EPYC: variants seen among roughly 807,000 people sequenced by gnomAD.
EPYC encodes the protein epiphycan.
EPYC carries 28 observed loss-of-function variants against 30.1 expected under a neutral mutation model. The observed-to-expected ratio is 0.93, with a 90% CI of 0.69 to 1.28. The LOEUF is 1.28. EPYC is among the 50% of genes most tolerant of loss of function. EPYC has a pLI of 0.00. For synonymous variants in EPYC, 144 were observed against 141.4 expected, an observed-to-expected ratio of 1.02 and a Z score of -0.13; for missense variants, 382 against 383.5, an observed-to-expected ratio of 1.00 and a Z score of 0.03.
intron 2 of EPYC, among the ~76,000 whole-genome samples, chr12:90,996,705 T>A (rs1158416726): frequency 6.6e-6 from 1 of 151,998 alleles, no homozygotes; most frequent in Non-Finnish European, 1.5e-5. Context: ...TATCTGTCCA[T>A]GGAAGAGAAT....
intron 6 of EPYC, among the ~76,000 whole-genome samples, chr12:90,967,598 T>C (rs1013404580): frequency 2.6e-5 from 4 of 152,196 alleles, no homozygotes; most frequent in Admixed American, 2.6e-4. Context: ...GTTCTGTCGA[T>C]GACTGTTATG....
chr12:90,987,894 C>T (rs891313550), intron 2 of EPYC, among the ~76,000 whole-genome samples: 13 of 152,104 alleles, frequency 8.5e-5, no homozygotes, highest in African/African-American at 2.9e-4. Context: ...TCTTTTCTTT[C>T]TCTATAGCCT....
At chr12:91,004,350 T>C (rs1055745483) in intron 1 of EPYC, among the ~76,000 whole-genome samples, 1 of 152,126 alleles carries the variant, frequency 6.6e-6, no homozygotes, top group African/African-American at 2.4e-5. Context: ...CTTAAAAATA[T>C]ATACAGCATC....
intron 2 of EPYC, among the ~76,000 whole-genome samples, chr12:90,980,996 G>A (rs959400729): frequency 6.6e-6 from 1 of 152,220 alleles, no homozygotes; most frequent in African/African-American, 2.4e-5. Flanking sequence ...TGAGTTGACT[G>A]GTTTGCAGTA....
intron 2 of EPYC, among the ~76,000 whole-genome samples, chr12:90,990,961 G>A (rs1482033916): frequency 4.6e-5 from 7 of 151,960 alleles, no homozygotes; most frequent in South Asian, 2.1e-4. Context: ...TGTAGTTATC[G>A]TAGAATAAAC....
intron 2 of EPYC, among the ~76,000 whole-genome samples, chr12:90,983,293 C>T (rs1013026186): frequency 6.6e-6 from 1 of 152,152 alleles, no homozygotes; most frequent in East Asian, 1.9e-4. Context: ...TAACTACTAA[C>T]AGTTCTAATA....
At chr12:90,973,207 T>C (rs1877097846) in intron 3 of EPYC, among the ~76,000 whole-genome samples, 1 of 32,406 alleles carries the variant, frequency 3.1e-5, no homozygotes, top group Non-Finnish European at 6.9e-5. Flanking sequence ...TTAAAATTAG[T>C]ACTTTTCTAT....
At position 91,000,165 on chromosome 12, in the gene EPYC, A is replaced by G. The variant is rs116594281; in HGVS notation, c.165+2236T>C. Among the ~76,000 whole-genome samples, 1,075 of 152,198 alleles carry G rather than the reference A, an allele frequency of 7.1e-3. 9 individuals carry two copies. The highest frequency in any genetic ancestry group is 0.025 in the African/African-American group (1,032 of 41,558). On this transcript the variant is annotated intron_variant, in intron 2 of 6. Transcript: ENST00000261172. ...AACTAATATATTTCAGTCAACCACA[A>G]GGGATTGTTAGTGGCTCTCTGGATC...
intron 4 of EPYC, 24 bp downstream of exon 4, chr12:90,972,798 G>A (rs568659983): frequency 1.2e-6 from 2 of 1,605,820 alleles, no homozygotes; most frequent in Admixed American, 3.4e-5. Flanking sequence ...AAGCGGTGAA[G>A]GCCGTTAATG....
intron 6 of EPYC, among the ~76,000 whole-genome samples, chr12:90,964,848 G>A (rs749794777): frequency 3.3e-5 from 5 of 152,132 alleles, no homozygotes; most frequent in Non-Finnish European, 4.4e-5. Flanking sequence ...CGGAAGATAA[G>A]CAGGGCCCAG....
intron 3 of EPYC, among the ~76,000 whole-genome samples, chr12:90,973,392 ATAT>A (rs776791840): frequency 6.6e-6 from 1 of 152,200 alleles, no homozygotes; most frequent in Non-Finnish European, 1.5e-5. Context: ...TGCTCAATAC[ATAT>A]TATTGAATCC....
chr12:90,968,500 T>C, intron 6 of EPYC, among the ~76,000 whole-genome samples: 1 of 152,164 alleles, frequency 6.6e-6, no homozygotes, highest in East Asian at 1.9e-4. Flanking sequence ...AAAAAGGGGA[T>C]TTATTTATGT....
chr12:90,971,769 T>TA (rs1877053671), intron 5 of EPYC, 31 bp downstream of exon 5: 11 of 1,377,526 alleles, frequency 8.0e-6, no homozygotes, highest in Non-Finnish European at 8.8e-6. Context: ...AATTGGAAGA[T>TA]AAAAGTCTGC....
At chr12:90,994,197 G>A (rs1334207690) in intron 2 of EPYC, among the ~76,000 whole-genome samples, 2 of 152,096 alleles carry the variant, frequency 1.3e-5, no homozygotes, top group Non-Finnish European at 2.9e-5. Context: ...GTGAACCCAA[G>A]CACAATGGGG....
At chr12:90,977,050 A>G (rs1877202889) in intron 3 of EPYC, among the ~76,000 whole-genome samples, 1 of 152,138 alleles carries the variant, frequency 6.6e-6, no homozygotes. Flanking sequence ...TAATACATAC[A>G]GTATTGCCTC....
At chr12:90,989,113 C>G (rs1008174745) in intron 2 of EPYC, among the ~76,000 whole-genome samples, 3 of 151,796 alleles carry the variant, frequency 2.0e-5, no homozygotes, top group East Asian at 3.9e-4. Flanking sequence ...CCTCCTATAT[C>G]AATGTTAAAT....
chr12:90,998,632 C>T (rs1877751390), intron 2 of EPYC, among the ~76,000 whole-genome samples: 1 of 152,136 alleles, frequency 6.6e-6, no homozygotes, highest in Non-Finnish European at 1.5e-5. Flanking sequence ...CCTAGACTCA[C>T]AAATGCAAAT....
intron 5 of EPYC, among the ~76,000 whole-genome samples, chr12:90,970,762 A>T (rs951191958): frequency 2.0e-5 from 3 of 152,188 alleles, no homozygotes; most frequent in Admixed American, 2.0e-4. Flanking sequence ...TGATGGTATC[A>T]CTGGAGGCCT....
Position 90,971,967 on chromosome 12 carries a change from T to C in EPYC, c.535A>G (p.Ile179Val). The C allele has an allele frequency of 6.2e-7, 1 of 1,604,706 alleles. No individual in the cohort carries two copies. Among genetic ancestry groups the C allele is most frequent in the Non-Finnish European group, 8.5e-7 (1 of 1,174,844 alleles). The change falls in exon 5 of 7, where the codon ATA becomes GTA. Residue 179 changes from isoleucine to valine, a missense_variant. Physicochemically the swap from Ile to Val is conservative, Grantham distance 29. Transcript: ENST00000261172. ...LKRIDLTSNL[I>V]SEIDEDAFRK... Reference sequence around the variant, plus strand: ...AATGCATCTTCATCAATCTCAGATATTAAATTTGATGTCAGATCAATCCTT... The same window carrying C: ...AATGCATCTTCATCAATCTCAGATACTAAATTTGATGTCAGATCAATCCTT...
Sources: gnomAD v4.1 joint callset for allele counts (sites outside exome capture counted in the v4.1 genomes callset) on GRCh38, gnomAD v4.1.1 for gene constraint, MANE v1.5 for transcripts, NCBI Gene and HGNC (gene_info 2026-07-23, HGNC 2026-07-21) for gene names.